LETM1: variants seen among roughly 807,000 people sequenced by gnomAD.
LETM1 encodes leucine zipper and EF-hand containing transmembrane protein 1, also known as mitochondrial proton/calcium exchanger protein.
In LETM1, 50 loss-of-function variants were observed where a neutral mutation model predicts 74.5. The ratio of observed to expected loss-of-function variants is 0.67; its 90% CI spans 0.53 to 0.85. The LOEUF (loss-of-function observed/expected upper bound fraction) is 0.85. Among genes scored for constraint, LETM1 ranks in the 40% least tolerant of loss-of-function variants. The pLI is 0.00. For missense variants in LETM1, 824 were observed against 967.8 expected, an observed-to-expected ratio of 0.85 and a Z score of 1.97; for synonymous variants, 446 against 407.1, an observed-to-expected ratio of 1.10 and a Z score of -1.15.
chr4:1,815,682 G>A lies in LETM1; in HGVS notation c.2052C>T (p.Asn684=), dbSNP rs780080048. Residue 684 remains asparagine, a synonymous_variant, in exon 13 of 14, where the codon AAC becomes AAT. Transcript: ENST00000302787. ...ALDENKDGKV[N]IDDLVKVIEL... ...GGCCCACCTTGACGAGGTCGTCGAT[G>A]TTGACCTTGCCATCCTTGTTTTCAT... 3 of 1,614,228 alleles carry A rather than the reference G, an allele frequency of 1.9e-6. No individual in the cohort carries two copies. The highest frequency in any genetic ancestry group is 2.5e-6 in the Non-Finnish European group (3 of 1,180,026).
chr4:1,846,873 G>A (rs1712898925), intron 2 of LETM1, among the ~76,000 whole-genome samples: 1 of 152,170 alleles, frequency 6.6e-6, no homozygotes, highest in African/African-American at 2.4e-5. Context: ...AACCTGGGCT[G>A]CTACAAGAGC....
chr4:1,854,059 CTCTAACA>C lies in LETM1; in HGVS notation c.82+1803_82+1809del, dbSNP rs1360158271. ...TCACCATCAAGAGGTCCAGAGAGAG[CTCTAACA>C]TCTAACACAGCAACTGGAAAGACCA... On this transcript the variant is annotated intron_variant, in intron 1 of 13. Coordinates refer to ENST00000302787, the MANE Select transcript of LETM1 (RefSeq NM_012318.3). Among the ~76,000 whole-genome samples, 4 of 152,170 alleles carry C rather than the reference CTCTAACA, an allele frequency of 2.6e-5. No homozygotes were observed. The East Asian group carries it at 7.7e-4, about 29-fold the overall frequency.
At chr4:1,849,082 T>C in intron 2 of LETM1, 67 bp downstream of exon 2, 1 of 1,079,732 alleles carries the variant, frequency 9.3e-7, no homozygotes, top group South Asian at 1.3e-5. Flanking sequence ...GAGTCACTCG[T>C]GACTCTCCAC....
chr4:1,834,721 G>A lies in LETM1; in HGVS notation c.876+124C>T. 1.3e-6 allele frequency: 2 copies of A among 1,518,856 alleles called. No individual in the cohort carries two copies. Among genetic ancestry groups the A allele is most frequent in the Non-Finnish European group, 1.8e-6 (2 of 1,134,356 alleles). 94.1% of individuals were successfully genotyped at this position (1,518,856 alleles called of 1,614,324 possible). A position where few individuals can be genotyped will look rare whatever the true frequency, so the allele number is the denominator to read the frequency against. On this transcript the variant is annotated intron_variant, in intron 5 of 13. Transcript: ENST00000302787. The surrounding 1 kb of genome is among the most constrained non-coding windows in gnomAD (Gnocchi z 5.0). ...ACTGGCCCCCGACTGAGCCTCCTGGGTAAACTTTCAAGCGCCAGCCAGCAC... is the reference window on the plus strand; with the variant it reads ...ACTGGCCCCCGACTGAGCCTCCTGGATAAACTTTCAAGCGCCAGCCAGCAC...
At chr4:1,848,794 A>G (rs904582601) in intron 2 of LETM1, among the ~76,000 whole-genome samples, 7 of 151,506 alleles carry the variant, frequency 4.6e-5, no homozygotes, top group African/African-American at 1.7e-4. Context: ...GACTTGCTGT[A>G]CATCAAAATA....
At chr4:1,848,718 A>G (rs1712967151) in intron 2 of LETM1, among the ~76,000 whole-genome samples, 1 of 149,116 alleles carries the variant, frequency 6.7e-6, no homozygotes, top group African/African-American at 2.4e-5. Flanking sequence ...TCTGTCTCAA[A>G]AAAAAAAAAA....
chr4:1,823,912 T>A, intron 7 of LETM1, 137 bp from the exon 8 acceptor site: 3 of 1,030,442 alleles, frequency 2.9e-6, no homozygotes, highest in Non-Finnish European at 4.1e-6. Flanking sequence ...TTTGTTGCTG[T>A]GCTGCGTGAC....
chr4:1,855,082 G>A (rs1713191873), intron 1 of LETM1, among the ~76,000 whole-genome samples: 1 of 152,140 alleles, frequency 6.6e-6, no homozygotes, highest in Non-Finnish European at 1.5e-5. Flanking sequence ...AACAACTTGG[G>A]AGGCTGAGGC....
intron 6 of LETM1, among the ~76,000 whole-genome samples, chr4:1,828,470 A>C (rs1263973686): frequency 1.9e-5 from 1 of 53,514 alleles, no homozygotes; most frequent in Non-Finnish European, 3.4e-5. Flanking sequence ...GGCGCCCCTC[A>C]CCTCCCGGAC....
At chr4:1,819,506 G>C in intron 10 of LETM1, 34 bp from the exon 11 acceptor site, 1 of 1,598,008 alleles carries the variant, frequency 6.3e-7, no homozygotes, top group Admixed American at 1.7e-5. Flanking sequence ...CAAAGCCTGA[G>C]CCAAGGGAAA....
At position 1,836,823 on chromosome 4, in the gene LETM1, G is replaced by A. The variant is rs1180268438; in HGVS notation, c.595-251C>T. ...TGGTGCTGACACCAAGGGCCACTGG[G>A]TGCTCCCAGCGATCGAGTCCTCCGA... On this transcript the variant is annotated intron_variant, in intron 3 of 13. Coordinates refer to ENST00000302787, the MANE Select transcript of LETM1 (RefSeq NM_012318.3). The surrounding 1 kb of genome is among the most constrained non-coding windows in gnomAD (Gnocchi z 5.8). Among the ~76,000 whole-genome samples, 2 of 152,106 alleles carry A rather than the reference G, an allele frequency of 1.3e-5. No homozygotes were observed. Among genetic ancestry groups the A allele is most frequent in the Admixed American group, 1.3e-4 (2 of 15,264 alleles).
intron 10 of LETM1, among the ~76,000 whole-genome samples, chr4:1,820,801 A>G (rs1711749104): frequency 6.6e-6 from 1 of 152,164 alleles, no homozygotes; most frequent in South Asian, 2.1e-4. Context: ...AGGTGGGAGG[A>G]TCACTTGAGG....
At chr4:1,817,245 C>CAAAAAAAAAAAAA (rs60805612) in intron 11 of LETM1, among the ~76,000 whole-genome samples, 2 of 66,072 alleles carry the variant, frequency 3.0e-5, no homozygotes, top group African/African-American at 6.2e-5. Flanking sequence ...ACTCTGTCTC[C>CAAAAAAAAAAAAA]AAAAAAAAAA....
chr4:1,814,725 A>G (rs1482128382), intron 13 of LETM1, 152 bp from the exon 14 acceptor site: 4 of 662,914 alleles, frequency 6.0e-6, no homozygotes, highest in South Asian at 5.3e-5. Flanking sequence ...CAGAGCACCA[A>G]TTCCCCCAAG....
intron 7 of LETM1, among the ~76,000 whole-genome samples, chr4:1,824,173 T>C (rs1443165317): frequency 6.6e-6 from 1 of 152,108 alleles, no homozygotes; most frequent in Non-Finnish European, 1.5e-5. Flanking sequence ...ATACAAAAAT[T>C]AGCCAGGTAT....
intron 8 of LETM1, 28 bp downstream of exon 8, chr4:1,823,616 G>T: frequency 6.2e-7 from 1 of 1,611,966 alleles, no homozygotes; most frequent in Non-Finnish European, 8.5e-7. Context: ...GAAGAGATGA[G>T]GTAAAAGGGG....
At position 1,833,033 on chromosome 4, in the gene LETM1, G is replaced by A. The variant is rs1320366533; in HGVS notation, c.877-86C>T. 3.3e-6 allele frequency: 4 copies of A among 1,205,812 alleles called. No individual in the cohort carries two copies. The South Asian group carries it at 3.7e-5, about 11-fold the overall frequency. The allele number at this position is 1,205,812 out of a possible 1,614,324, so 74.7% of individuals were successfully genotyped here. ...ACCAACCACATTCCCAAAGGGTGCT[G>A]CCTCTCATCCTCAGGGACTCAAACC... On this transcript the variant is annotated intron_variant, in intron 5 of 13. Coordinates refer to ENST00000302787, the MANE Select transcript of LETM1 (RefSeq NM_012318.3).
chr4:1,815,823 T>C (rs1051649715), intron 12 of LETM1, 21 bp from the exon 13 acceptor site: 3 of 1,611,944 alleles, frequency 1.9e-6, no homozygotes, highest in Non-Finnish European at 2.5e-6. Context: ...ACAGCCTGCA[T>C]GTGGCCACGG....
At chr4:1,823,902 T>C (rs566619210) in intron 7 of LETM1, 127 bp from the exon 8 acceptor site, 1 of 1,109,198 alleles carries the variant, frequency 9.0e-7, no homozygotes, top group Admixed American at 2.8e-5. Context: ...ACAAGGTCTG[T>C]TTGTTGCTGT....
Sources: gnomAD v4.1 joint callset for allele counts (sites outside exome capture counted in the v4.1 genomes callset) on GRCh38, gnomAD v4.1.1 for gene constraint, Gnocchi (gnomAD v3.1) non-coding constraint, MANE v1.5 for transcripts, NCBI Gene and HGNC (gene_info 2026-07-23, HGNC 2026-07-21) for gene names.